Variants in SOCS2 observed in about 807,000 individuals in gnomAD.
SOCS2 encodes suppressor of cytokine signaling 2, also known as CIS-2.
SOCS2 carries 10 observed loss-of-function variants against 18.6 expected under a neutral mutation model. The ratio of observed to expected loss-of-function variants is 0.54; its 90% CI spans 0.33 to 0.91. SOCS2 has a LOEUF of 0.91. SOCS2 is among the 40% of genes least tolerant of loss of function. The probability of loss-of-function intolerance (pLI) is 0.02; values close to 1 mark genes in which losing one functional copy is unlikely to be tolerated. For missense variants in SOCS2, 231 were observed against 247.2 expected (o/e 0.93, Z 0.44); for synonymous variants, 104 against 104.0 (o/e 1.00, Z 0.00).
chr12:93,618,149 C>CACATAAA, the SOCS2 span, among the ~76,000 whole-genome samples: 1 of 152,128 alleles, frequency 6.6e-6, no homozygotes, highest in African/African-American at 2.4e-5. Flanking sequence ...GTAAGATGTG[C>CACATAAA]CTGCTTACCC....
chr12:93,575,198 A>G lies in SOCS2; in HGVS notation c.*19A>G, dbSNP rs746223369. The G allele has an allele frequency of 4.0e-6, 6 of 1,496,956 alleles. No individual in the cohort carries two copies. The highest frequency in any genetic ancestry group is 2.8e-5 in the African/African-American group (2 of 71,130). 92.7% of individuals were successfully genotyped at this position (1,496,956 alleles called of 1,614,324 possible). On this transcript the variant is annotated 3_prime_UTR_variant, in exon 2 of 2. Coordinates refer to ENST00000551556, the MANE Select transcript of SOCS2 (RefSeq NM_001270471.2). Reference sequence around the variant, plus strand: ...GGTATAAATGTTTCTCTTTTTTTAAACATGTCTCACATAGAGTATCTCCGA... The same window carrying G: ...GGTATAAATGTTTCTCTTTTTTTAAGCATGTCTCACATAGAGTATCTCCGA...
the SOCS2 span, among the ~76,000 whole-genome samples, chr12:93,614,665 G>C: frequency 2.1e-5 from 3 of 142,676 alleles, no homozygotes; most frequent in Non-Finnish European, 4.5e-5. Flanking sequence ...GCCCAGGCTG[G>C]AGTGCAGTGG....
chr12:93,606,273 T>G, the SOCS2 span, among the ~76,000 whole-genome samples: 1 of 152,330 alleles, frequency 6.6e-6, no homozygotes, highest in South Asian at 2.1e-4. Context: ...GGGGTTCTAT[T>G]CCTGTAGAAG....
At chr12:93,593,044 C>G in the SOCS2 span, among the ~76,000 whole-genome samples, 1 of 151,782 alleles carries the variant, frequency 6.6e-6, no homozygotes, top group East Asian at 1.9e-4. Flanking sequence ...TCCCCTTATC[C>G]TGGTTTCCTG....
the SOCS2 span, among the ~76,000 whole-genome samples, chr12:93,608,556 T>G: frequency 0.051 from 7,704 of 151,972 alleles, 301 homozygotes; most frequent in Admixed American, 0.14. Context: ...AAACTGAGGA[T>G]GATATTACAT....
the SOCS2 span, among the ~76,000 whole-genome samples, chr12:93,611,258 G>A: frequency 6.6e-6 from 1 of 152,126 alleles, no homozygotes; most frequent in African/African-American, 2.4e-5. Flanking sequence ...TGAGACAGGA[G>A]ACGGAGTCTC....
At chr12:93,593,299 C>T in the SOCS2 span, among the ~76,000 whole-genome samples, 3 of 152,118 alleles carry the variant, frequency 2.0e-5, no homozygotes, top group African/African-American at 4.8e-5. Flanking sequence ...TAAAGCTCTC[C>T]GCCTACTCAG....
chr12:93,595,709 A>G, the SOCS2 span, among the ~76,000 whole-genome samples: 89 of 152,312 alleles, frequency 5.8e-4, no homozygotes, highest in African/African-American at 2.0e-3. Context: ...GCTTCAAGTT[A>G]TATAGCTATT....
the SOCS2 span, among the ~76,000 whole-genome samples, chr12:93,597,477 G>A: frequency 5.9e-5 from 9 of 151,986 alleles, no homozygotes; most frequent in South Asian, 1.7e-3. Flanking sequence ...CACCACACCC[G>A]CCTAATTTCT....
chr12:93,570,708 C>G (rs1269447083), upstream of SOCS2: 10 of 152,356 alleles, frequency 6.6e-5, no homozygotes, highest in Non-Finnish European at 1.0e-4. Flanking sequence ...TTGGCTGTAG[C>G]CGGTGGCCGG....
chr12:93,609,540 CTTAA>C, the SOCS2 span, among the ~76,000 whole-genome samples: 1 of 151,000 alleles, frequency 6.6e-6, no homozygotes, highest in African/African-American at 2.4e-5. Flanking sequence ...AATTATTTAT[CTTAA>C]TTTATTACCT....
chr12:93,571,947 C>G, upstream of SOCS2: 1 of 363,376 alleles, frequency 2.8e-6, no homozygotes. Context: ...TTGCATTTTC[C>G]GCAGCGCTCG....
the SOCS2 span, among the ~76,000 whole-genome samples, chr12:93,614,604 T>C: frequency 8.1e-6 from 1 of 123,422 alleles, no homozygotes; most frequent in Non-Finnish European, 1.6e-5. Context: ...TCTTTCTTTC[T>C]TTCTTTCTTT....
chr12:93,586,533 G>A (rs969163699), downstream of SOCS2, among the ~76,000 whole-genome samples: 2 of 152,100 alleles, frequency 1.3e-5, no homozygotes, highest in Non-Finnish European at 2.9e-5. Flanking sequence ...CTAGGATGAG[G>A]CCTTTTTCTG....
At chr12:93,598,298 G>A in the SOCS2 span, among the ~76,000 whole-genome samples, 1 of 152,120 alleles carries the variant, frequency 6.6e-6, no homozygotes, top group African/African-American at 2.4e-5. Flanking sequence ...GTAGACTCCA[G>A]GGAGGAAGTA....
At chr12:93,600,064 C>T in the SOCS2 span, among the ~76,000 whole-genome samples, 1 of 152,050 alleles carries the variant, frequency 6.6e-6, no homozygotes, top group South Asian at 2.1e-4. Context: ...TTATTCTTTA[C>T]ATTTTGTGTT....
chr12:93,623,983 T>C, the SOCS2 span, among the ~76,000 whole-genome samples: 1 of 152,086 alleles, frequency 6.6e-6, no homozygotes, highest in Non-Finnish European at 1.5e-5. Context: ...GGATTACAGG[T>C]GTGAGCCACC....
At chr12:93,600,906 A>G in the SOCS2 span, among the ~76,000 whole-genome samples, 1 of 151,288 alleles carries the variant, frequency 6.6e-6, no homozygotes, top group African/African-American at 2.4e-5. Context: ...CTTTTGCTTC[A>G]GCCTCCCAAG....
At chr12:93,596,832 AAACAACAAC>A in the SOCS2 span, among the ~76,000 whole-genome samples, 1 of 152,086 alleles carries the variant, frequency 6.6e-6, no homozygotes. Context: ...TGTCTCAAAC[AAACAACAAC>A]AACAACAAAG....
Sources: gnomAD v4.1 joint callset for allele counts (sites outside exome capture counted in the v4.1 genomes callset) on GRCh38, gnomAD v4.1.1 for gene constraint, MANE v1.5 for transcripts, NCBI Gene and HGNC (gene_info 2026-07-23, HGNC 2026-07-21) for gene names.